Variants in CCNA2 observed in about 807,000 individuals in gnomAD.
The protein encoded by CCNA2 is cyclin-A2.
A neutral mutation model predicts 49.4 loss-of-function variants in CCNA2; 3 were observed. The observed-to-expected ratio is 0.06, with a 90% confidence interval of 0.03 to 0.16. CCNA2 has a LOEUF of 0.16. Among genes scored for constraint, CCNA2 ranks in the 10% least tolerant of loss-of-function variants. The probability of loss-of-function intolerance (pLI) is 1.00; values close to 1 mark genes in which losing one functional copy is unlikely to be tolerated. For missense variants in CCNA2, 372 were observed against 519.7 expected (o/e 0.72, Z 2.76); for synonymous variants, 206 against 197.2 (o/e 1.04, Z -0.37).
chr4:121,817,773 G>A, intron 7 of CCNA2, 87 bp from the exon 8 acceptor site: 1 of 1,560,360 alleles, frequency 6.4e-7, no homozygotes, highest in Non-Finnish European at 8.8e-7. Flanking sequence ...CATGTATTGG[G>A]AACTAAAAAA....
chr4:121,817,855 C>G (rs1724585061), intron 7 of CCNA2, among the ~76,000 whole-genome samples, 169 bp from the exon 8 acceptor site: 1 of 152,134 alleles, frequency 6.6e-6, no homozygotes, highest in South Asian at 2.1e-4. Context: ...ATGCATGCCC[C>G]CTTCCTTCTC....
chr4:121,817,864 T>C (rs1022088353), intron 7 of CCNA2, among the ~76,000 whole-genome samples, 178 bp from the exon 8 acceptor site: 1 of 152,150 alleles, frequency 6.6e-6, no homozygotes, highest in African/African-American at 2.4e-5. Context: ...CCCTTCCTTC[T>C]CTCTTCTCCC....
chr4:121,817,919 CAT>C (rs1724587227), intron 7 of CCNA2, 123 bp downstream of exon 7: 3 of 1,126,348 alleles, frequency 2.7e-6, no homozygotes, highest in South Asian at 1.5e-5. Context: ...TCTTCAAACA[CAT>C]AACCAATTTA....
intron 1 of CCNA2, among the ~76,000 whole-genome samples, chr4:121,823,145 G>GT (rs1429385606): frequency 6.6e-6 from 1 of 152,172 alleles, no homozygotes; most frequent in African/African-American, 2.4e-5. Context: ...AAGACTACAC[G>GT]TTTTAGAGCT....
At chr4:121,822,347 TATC>T in intron 2 of CCNA2, 53 bp downstream of exon 2, 1 of 1,520,510 alleles carries the variant, frequency 6.6e-7, no homozygotes, top group Non-Finnish European at 9.0e-7. Flanking sequence ...AAATCATTAA[TATC>T]ATCTAATAAT....
chr4:121,823,557 C>A lies in CCNA2; in HGVS notation c.72G>T (p.Thr24=). The change falls in exon 1 of 8, where the codon ACG becomes ACT. Residue 24 remains threonine, a synonymous_variant. Transcript: ENST00000274026. ...TATTCTCCTGGTCCTCTTGGAGCGC[C>A]GTCTGCTGCAATGCTAGCAGCGCCG... ...AGSALLALQQ[T]ALQEDQENIN... The A allele has an allele frequency of 6.2e-7, 1 of 1,611,428 alleles. No homozygotes were observed.
chr4:121,822,789 G>C (rs1724722075), intron 1 of CCNA2, 143 bp from the exon 2 acceptor site: 1 of 824,652 alleles, frequency 1.2e-6, no homozygotes, highest in East Asian at 2.6e-5. Flanking sequence ...ATTCAAAAGA[G>C]AAGGGATGTT....
In CCNA2 at chr4:121,816,905, T is replaced by C. The variant is rs148015288; in HGVS notation, c.*733A>G. 3.7e-5 allele frequency: 53 copies of C among 1,443,324 alleles called. No individual in the cohort carries two copies. In the South Asian group the frequency reaches 6.9e-4, roughly 19 times the overall value. The allele number at this position is 1,443,324 out of a possible 1,614,324, so 89.4% of individuals were successfully genotyped here. ...ATATAACTATTAAAAGGGATATTTA[T>C]TCCATTCTGAGAACCCTGGGTATTT... On this transcript the variant is annotated 3_prime_UTR_variant, in exon 8 of 8. Transcript: ENST00000274026.
intron 1 of CCNA2, 78 bp from the exon 2 acceptor site, chr4:121,822,724 T>C: frequency 1.4e-6 from 2 of 1,403,766 alleles, no homozygotes; most frequent in Admixed American, 2.1e-5. Context: ...CTTTGCTTTT[T>C]CTCCCAAATA....
At position 121,822,648 on chromosome 4, in the gene CCNA2, T is replaced by G; in HGVS notation, c.214-2A>C. ...AGGAAGATCCTTAAGGGGTGCAACC[T>G]AAAAAAAAATTAATAACTGGCTTTG... On this transcript the variant is annotated splice_acceptor_variant, in intron 1 of 7. Coordinates refer to ENST00000274026, the MANE Select transcript of CCNA2 (RefSeq NM_001237.5). LOFTEE classifies it high-confidence loss of function. 6.3e-7 allele frequency: 1 copy of G among 1,597,334 alleles called. No individual in the cohort carries two copies. The highest frequency in any genetic ancestry group is 8.5e-7 in the Non-Finnish European group (1 of 1,169,774).
intron 1 of CCNA2, among the ~76,000 whole-genome samples, chr4:121,822,912 A>C (rs769240): frequency 0.066 from 9,975 of 152,272 alleles, 873 homozygotes; most frequent in East Asian, 0.19. Flanking sequence ...ATACGTGACA[A>C]GTTTAGGAAA....
Position 121,818,820 on chromosome 4 carries a change from T to C in CCNA2, c.1096A>G (p.Thr366Ala). 1.2e-6 allele frequency: 2 copies of C among 1,611,264 alleles called. No individual in the cohort carries two copies. The highest frequency in any genetic ancestry group is 1.7e-6 in the Non-Finnish European group (2 of 1,177,386). ...CATACCCAGCTTTGTCCCGTGACTG[T>C]GTAGAGTGCTAAATGAAAGGCAGCT... ...AGAAFHLALY[T>A]VTGQSWPESL... is the part of the protein sequence containing the mutation. The change falls in exon 6 of 8, where the codon ACA becomes GCA. Residue 366 changes from threonine (T) to alanine (A), a missense_variant. Thr to Ala is a moderately conservative substitution (Grantham distance 58). Transcript: ENST00000274026.
rs1263293675 is a variant in CCNA2 at position 121,823,475 on chromosome 4, C to A, written c.154G>T (p.Val52Leu). 1 of 1,613,520 alleles carries A rather than the reference C, an allele frequency of 6.2e-7. No homozygotes were observed. Among genetic ancestry groups the A allele is most frequent in the Admixed American group, 1.7e-5 (1 of 59,964 alleles). The change falls in exon 1 of 8, where the codon GTA becomes TTA. Residue 52 changes from valine (V) to leucine (L), a missense_variant. Val to Leu is a conservative substitution (Grantham distance 32). This residue lies in a region of CCNA2 where 217 missense variants were observed against 231.7 expected (regional missense o/e 0.94). Coordinates refer to ENST00000274026, the MANE Select transcript of CCNA2 (RefSeq NM_001237.5). ...QQPRTRAALA[V>L]LKSGNPRGLA... is the part of the protein sequence containing the mutation. ...CCCCGCGGGTTCCCGGACTTCAGTA[C>A]CGCCAGCGCGGCCCGGGTCCGCGGT...
In CCNA2 at chr4:121,818,856, C is replaced by A. The variant is rs1433731555; in HGVS notation, c.1060G>T (p.Val354Phe). 6.2e-7 allele frequency: 1 copy of A among 1,613,866 alleles called. No homozygotes were observed. Among genetic ancestry groups the A allele is most frequent in the African/African-American group, 1.3e-5 (1 of 74,912 alleles). The change falls in exon 6 of 8, where the codon GTT (valine) becomes TTT (phenylalanine). Residue 354 changes from valine (V) to phenylalanine (F), a missense_variant. Transcript: ENST00000274026. ...AAATGAAAGGCAGCTCCAGCAATAA[C>A]TGATGGCAAATACTTGAGGTATGGG... is the stretch of plus-strand genomic sequence containing the variant. ...ADPYLKYLPSVIAGAAFHLAL... is the reference protein window; with the variant it reads ...ADPYLKYLPSFIAGAAFHLAL...
chr4:121,817,411 T>G lies in CCNA2; in HGVS notation c.*227A>C. ...TTTATTATCCTGACAGCTGGCATCA[T>G]TAATACTTTAACAAAACCACTTAAA... On this transcript the variant is annotated 3_prime_UTR_variant, in exon 8 of 8. Coordinates refer to ENST00000274026, the MANE Select transcript of CCNA2 (RefSeq NM_001237.5). 4.5e-6 allele frequency: 2 copies of G among 441,996 alleles called. No homozygotes were observed. Among genetic ancestry groups the G allele is most frequent in the Non-Finnish European group, 7.9e-6 (2 of 252,670 alleles). 27.4% of individuals were successfully genotyped at this position (441,996 alleles called of 1,614,324 possible). A position where few individuals can be genotyped will look rare whatever the true frequency, so the allele number is the denominator to read the frequency against.
intron 1 of CCNA2, 82 bp from the exon 2 acceptor site, chr4:121,822,728 C>T: frequency 7.4e-7 from 1 of 1,360,012 alleles, no homozygotes; most frequent in Admixed American, 2.2e-5. Context: ...GCTTTTTCTC[C>T]CAAATACTCT....
In CCNA2 at chr4:121,820,834, A is replaced by G. The variant is rs954625086; in HGVS notation, c.571-69T>C. Reference sequence around the variant, plus strand: ...AAAACTGCAATTAGATTATTTTACCATTAATTACGAGAGGCTACATGCTAT... The same window carrying G: ...AAAACTGCAATTAGATTATTTTACCGTTAATTACGAGAGGCTACATGCTAT... On this transcript the variant is annotated intron_variant, in intron 3 of 7. Transcript: ENST00000274026. This position sits in a 1 kb window ranked among gnomAD's most constrained non-coding sequence, Gnocchi z 4.1. The G allele has an allele frequency of 3.1e-6, 4 of 1,281,482 alleles. No individual in the cohort carries two copies. The highest frequency in any genetic ancestry group is 4.4e-6 in the Non-Finnish European group (4 of 900,978). The allele number at this position is 1,281,482 out of a possible 1,614,324, so 79.4% of individuals were successfully genotyped here. A position where few individuals can be genotyped will look rare whatever the true frequency, so the allele number is the denominator to read the frequency against.
In CCNA2 at chr4:121,820,505, G is replaced by T; in HGVS notation, c.794+37C>A. The T allele has an allele frequency of 2.8e-6, 4 of 1,443,928 alleles. No individual in the cohort carries two copies. The South Asian group carries it at 4.8e-5, about 17-fold the overall frequency. The allele number at this position is 1,443,928 out of a possible 1,614,324, so 89.4% of individuals were successfully genotyped here. Reference sequence around the variant, plus strand: ...AATCAATTTCTTCCCTAGACAAAAGGTCGTGATCACTTTTAAACAAACCAA... The same window carrying T: ...AATCAATTTCTTCCCTAGACAAAAGTTCGTGATCACTTTTAAACAAACCAA... On this transcript the variant is annotated intron_variant, in intron 4 of 7. Coordinates refer to ENST00000274026, the MANE Select transcript of CCNA2 (RefSeq NM_001237.5). The surrounding 1 kb of genome is among the most constrained non-coding windows in gnomAD (Gnocchi z 4.1).
chr4:121,816,569 A>G lies in CCNA2; in HGVS notation c.*1069T>C. On this transcript the variant is annotated 3_prime_UTR_variant, in exon 8 of 8. Transcript: ENST00000274026. ...AACAAAAAGACATCCCTTTTTCATT[A>G]GAGATCCATCTGTTCTGTGATTTTT... 3 of 808,708 alleles carry G rather than the reference A, an allele frequency of 3.7e-6. No individual in the cohort carries two copies. Among genetic ancestry groups the G allele is most frequent in the Non-Finnish European group, 5.7e-6 (3 of 524,686 alleles). 50.1% of individuals were successfully genotyped at this position (808,708 alleles called of 1,614,324 possible).
Sources: gnomAD v4.1 joint callset for allele counts (sites outside exome capture counted in the v4.1 genomes callset) on GRCh38, gnomAD v4.1.1 for gene constraint, gnomAD v4.1.1 regional missense constraint, Gnocchi (gnomAD v3.1) non-coding constraint, MANE v1.5 for transcripts, NCBI Gene and HGNC (gene_info 2026-07-23, HGNC 2026-07-21) for gene names.